DLC1: variants seen among roughly 807,000 people sequenced by gnomAD.
DLC1 encodes DLC1 Rho GTPase activating protein.
A neutral mutation model predicts 140.3 loss-of-function variants in DLC1; 54 were observed. That is an observed-to-expected ratio of 0.38 (90% CI 0.31 to 0.48). The LOEUF is 0.48. Among genes scored for constraint, DLC1 ranks in the 20% least tolerant of loss-of-function variants. The probability of loss-of-function intolerance (pLI) is 0.96; values close to 1 mark genes in which losing one functional copy is unlikely to be tolerated. For missense variants in DLC1, 2,536 were observed against 1,907.0 expected (o/e 1.33, Z -6.14); for synonymous variants, 986 against 728.1 (o/e 1.35, Z -5.70).
intron 3 of DLC1, among the ~76,000 whole-genome samples, chr8:13,396,561 C>T (rs144639852): frequency 5.3e-5 from 8 of 152,084 alleles, no homozygotes; most frequent in Non-Finnish European, 1.0e-4. Flanking sequence ...CATCATCACA[C>T]GAGAGATGGT....
chr8:13,100,041 T>C lies in DLC1; in HGVS notation c.2296A>G (p.Ser766Gly). 1 of 1,613,234 alleles carries C rather than the reference T, an allele frequency of 6.2e-7. No homozygotes were observed. The change falls in exon 9 of 18, where the codon AGT (serine) becomes GGT (glycine). Residue 766 changes from serine (S) to glycine (G), a missense_variant. Coordinates refer to ENST00000276297, the MANE Select transcript of DLC1 (RefSeq NM_182643.3). Reference protein sequence around the residue: ...PSPVTRTRSLSACNKRVGMYL... With the variant: ...PSPVTRTRSLGACNKRVGMYL... ...ATGCCCACCCGCTTGTTGCACGCAC[T>C]GAGGCTCCGGGTCCTCGTAACAGGG... is the stretch of plus-strand genomic sequence containing the variant.
intron 2 of DLC1, among the ~76,000 whole-genome samples, chr8:13,476,387 A>T (rs2117094773): frequency 6.6e-6 from 1 of 152,222 alleles, no homozygotes; most frequent in South Asian, 2.1e-4. Context: ...ATTCGAACAT[A>T]ATTTTCTTAT....
At position 13,088,481 on chromosome 8, in the gene DLC1, G is replaced by C; in HGVS notation, c.4292+6C>G. 4 of 1,614,026 alleles carry C rather than the reference G, an allele frequency of 2.5e-6. No individual in the cohort carries two copies. The highest frequency in any genetic ancestry group is 1.1e-5 in the South Asian group (1 of 91,072). ...TGTCACAAAAAAACAACTGGGAAGCGCTCACCTTAAAACAACGTAGTCTCG... is the reference window on the plus strand; with the variant it reads ...TGTCACAAAAAAACAACTGGGAAGCCCTCACCTTAAAACAACGTAGTCTCG... On this transcript the variant is annotated splice_donor_region_variant and intron_variant, in intron 16 of 17. Coordinates refer to ENST00000276297, the MANE Select transcript of DLC1 (RefSeq NM_182643.3).
intron 5 of DLC1, among the ~76,000 whole-genome samples, chr8:13,241,666 T>C (rs1225262721): frequency 2.0e-5 from 3 of 152,146 alleles, no homozygotes; most frequent in African/African-American, 7.2e-5. Context: ...TTTTCAGGGC[T>C]TTCAACAGGG....
intron 1 of DLC1, among the ~76,000 whole-genome samples, chr8:13,588,371 A>T (rs1805402764): frequency 6.6e-6 from 1 of 152,066 alleles, no homozygotes; most frequent in South Asian, 2.1e-4. Context: ...CATTATTTTG[A>T]ATTTGGTGTA....
At chr8:13,289,588 T>C (rs58920115) in intron 5 of DLC1, among the ~76,000 whole-genome samples, 12,584 of 152,248 alleles carry the variant, frequency 0.083, 590 homozygotes, top group South Asian at 0.16. Flanking sequence ...GCCTTGGCCT[T>C]CCAAATTGTT....
At chr8:13,580,343 G>GA (rs1249522712) in intron 1 of DLC1, among the ~76,000 whole-genome samples, 2 of 152,080 alleles carry the variant, frequency 1.3e-5, no homozygotes, top group Non-Finnish European at 2.9e-5. Flanking sequence ...GGATGGCCTC[G>GA]ATCGCCTGAC....
chr8:13,132,821 A>T (rs1822225918), intron 5 of DLC1: 2 of 1,211,424 alleles, frequency 1.7e-6, no homozygotes, highest in African/African-American at 1.5e-5. Flanking sequence ...CTCTGCAGAA[A>T]GCGTTTAAAG....
At chr8:13,378,833 A>G (rs1254763280) in intron 4 of DLC1, among the ~76,000 whole-genome samples, 2 of 152,190 alleles carry the variant, frequency 1.3e-5, no homozygotes, top group Admixed American at 1.3e-4. Flanking sequence ...TCCAATTCAT[A>G]CAGCAAATAT....
chr8:13,189,217 A>G (rs1826599776), intron 5 of DLC1, among the ~76,000 whole-genome samples: 1 of 152,166 alleles, frequency 6.6e-6, no homozygotes, highest in Non-Finnish European at 1.5e-5. Flanking sequence ...CTTCCTGTTA[A>G]GGTTATATAC....
At chr8:13,158,522 G>C (rs1270707077) in intron 5 of DLC1, among the ~76,000 whole-genome samples, 1 of 152,122 alleles carries the variant, frequency 6.6e-6, no homozygotes, top group Non-Finnish European at 1.5e-5. Flanking sequence ...TAAGAGAAGA[G>C]GAAATGCATC....
chr8:13,451,552 C>T (rs1309951367), intron 2 of DLC1, among the ~76,000 whole-genome samples: 2 of 152,182 alleles, frequency 1.3e-5, no homozygotes, highest in African/African-American at 4.8e-5. Context: ...CAGCCTCCTA[C>T]ACTCTATGTC....
chr8:13,300,003 T>G (rs1443601810), intron 5 of DLC1, among the ~76,000 whole-genome samples: 1 of 152,138 alleles, frequency 6.6e-6, no homozygotes, highest in African/African-American at 2.4e-5. Context: ...TGCAGCACTA[T>G]TCACAATAGC....
At chr8:13,458,500 C>G (rs1355756383) in intron 2 of DLC1, among the ~76,000 whole-genome samples, 1 of 152,044 alleles carries the variant, frequency 6.6e-6, no homozygotes, top group Non-Finnish European at 1.5e-5. Flanking sequence ...TAAGTAATTC[C>G]CTTGTTATTT....
chr8:13,088,786 A>C (rs566452332), intron 15 of DLC1, 82 bp from the exon 16 acceptor site: 1 of 1,187,634 alleles, frequency 8.4e-7, no homozygotes, highest in Non-Finnish European at 1.2e-6. Flanking sequence ...TTAGACTAAC[A>C]ATTTTAGTTA....
intron 1 of DLC1, among the ~76,000 whole-genome samples, chr8:13,588,021 G>A (rs145750756): frequency 0.011 from 1,676 of 152,080 alleles, 27 homozygotes; most frequent in African/African-American, 0.038. Context: ...TTATTATATA[G>A]GTCCTACTTC....
chr8:13,554,898 A>G (rs986194875), intron 1 of DLC1, among the ~76,000 whole-genome samples: 3 of 152,232 alleles, frequency 2.0e-5, no homozygotes, highest in Admixed American at 2.0e-4. Context: ...AACTGCCTGC[A>G]AGGCCCTACA....
chr8:13,140,767 TC>T (rs1303922912), intron 5 of DLC1, among the ~76,000 whole-genome samples: 12 of 152,338 alleles, frequency 7.9e-5, no homozygotes, highest in African/African-American at 2.9e-4. Flanking sequence ...AAGTAGTTTT[TC>T]CTATAGGGCT....
In DLC1 at chr8:13,090,378, A is replaced by G. The variant is rs999545254; in HGVS notation, c.3948T>C (p.Asp1316=). The G allele has an allele frequency of 8.1e-6, 13 of 1,614,098 alleles. No individual in the cohort carries two copies. The highest frequency in any genetic ancestry group is 1.3e-5 in the African/African-American group (1 of 74,934). Residue 1316 remains aspartate, a synonymous_variant, in exon 15 of 18, where the codon GAT becomes GAC. Coordinates refer to ENST00000276297, the MANE Select transcript of DLC1 (RefSeq NM_182643.3). ...TLEALGHLGN[D]DSADYQHFLQ... ...GGAAGTGTTGGTAGTCAGCTGAGTC[A>G]TCATTACCCAGGTGCCCGAGTGCTT... is the stretch of plus-strand genomic sequence containing the variant.
Sources: allele counts gnomAD v4.1 joint callset (sites outside exome capture counted in the v4.1 genomes callset), GRCh38; gene constraint gnomAD v4.1.1; transcripts MANE v1.5; gene names NCBI Gene and HGNC (gene_info 2026-07-23, HGNC 2026-07-21).